UTRN: variants seen among roughly 807,000 people sequenced by gnomAD.
UTRN encodes dystrophin-related protein 1.
UTRN carries 283 observed loss-of-function variants against 463.9 expected under a neutral mutation model. That is an observed-to-expected ratio of 0.61 (90% CI 0.55 to 0.67). The LOEUF (loss-of-function observed/expected upper bound fraction) is 0.67. UTRN is among the 30% of genes least tolerant of loss of function. The pLI is 0.00. For synonymous variants in UTRN, 1,442 were observed against 1,431.5 expected, an observed-to-expected ratio of 1.01 and a Z score of -0.17; for missense variants, 3,922 against 4,084.3, an observed-to-expected ratio of 0.96 and a Z score of 1.08.
chr6:144,347,100 C>T (rs1777651712), intron 2 of UTRN, among the ~76,000 whole-genome samples: 2 of 152,204 alleles, frequency 1.3e-5, no homozygotes, highest in African/African-American at 4.8e-5. Flanking sequence ...ATTGCCACTG[C>T]TCAGGAAACC....
At chr6:144,639,997 C>A (rs1370845301) in intron 51 of UTRN, among the ~76,000 whole-genome samples, 1 of 151,752 alleles carries the variant, frequency 6.6e-6, no homozygotes, top group Non-Finnish European at 1.5e-5. Flanking sequence ...ATGATGCAGA[C>A]AACATTAAGA....
At chr6:144,669,495 G>C (rs1477324812) in intron 51 of UTRN, among the ~76,000 whole-genome samples, 2 of 152,178 alleles carry the variant, frequency 1.3e-5, no homozygotes, top group Middle Eastern at 3.4e-3. Context: ...TATTATGATA[G>C]CTTCCACTCT....
At chr6:144,635,483 CA>C (rs1471335108) in intron 51 of UTRN, among the ~76,000 whole-genome samples, 1 of 139,808 alleles carries the variant, frequency 7.2e-6, no homozygotes, top group Non-Finnish European at 1.5e-5. Flanking sequence ...ATAGACTTCT[CA>C]GTATTACTTA....
intron 58 of UTRN, among the ~76,000 whole-genome samples, chr6:144,762,775 G>A (rs1792853164): frequency 6.6e-6 from 1 of 152,148 alleles, no homozygotes; most frequent in Admixed American, 6.5e-5. Flanking sequence ...CGAGTAAGAT[G>A]GCCAACAAAG....
chr6:144,729,048 G>T (rs1274994080), intron 53 of UTRN, among the ~76,000 whole-genome samples: 1 of 152,088 alleles, frequency 6.6e-6, no homozygotes, highest in Admixed American at 6.5e-5. Context: ...GGTTTCTAGA[G>T]TAGTACTTGA....
At chr6:144,776,573 C>T (rs1775345685) in intron 60 of UTRN, among the ~76,000 whole-genome samples, 1 of 152,146 alleles carries the variant, frequency 6.6e-6, no homozygotes, top group South Asian at 2.1e-4. Flanking sequence ...GGACCCAATG[C>T]CCTGCTTACA....
intron 2 of UTRN, among the ~76,000 whole-genome samples, chr6:144,324,340 C>T (rs1775846368): frequency 6.6e-6 from 1 of 151,980 alleles, no homozygotes; most frequent in Non-Finnish European, 1.5e-5. Flanking sequence ...ATTGATTTAC[C>T]AAGTCTAAAG....
chr6:144,788,628 G>C (rs368521398), intron 61 of UTRN, among the ~76,000 whole-genome samples: 113 of 149,604 alleles, frequency 7.6e-4, no homozygotes, highest in African/African-American at 2.6e-3. Context: ...GCAATGGCAC[G>C]ATCTCGGCTC....
intron 3 of UTRN, among the ~76,000 whole-genome samples, chr6:144,403,511 A>G (rs1783108671): frequency 6.6e-6 from 1 of 152,190 alleles, no homozygotes; most frequent in Non-Finnish European, 1.5e-5. Flanking sequence ...CTCTTGGTTA[A>G]GAGGATGATG....
chr6:144,493,525 C>T lies in UTRN; in HGVS notation c.4593+69C>T. On this transcript the variant is annotated intron_variant, in intron 33 of 74. Coordinates refer to ENST00000367545, the MANE Select transcript of UTRN (RefSeq NM_007124.3). ...TCTCTCTCTCAATCTCTCTCTCTCTCTCGTTCTCTCTCATGTATTTTTAAA... is the reference window on the plus strand; with the variant it reads ...TCTCTCTCTCAATCTCTCTCTCTCTTTCGTTCTCTCTCATGTATTTTTAAA... 2.0e-6 allele frequency: 3 copies of T among 1,479,678 alleles called. No individual in the cohort carries two copies. In the East Asian group the frequency reaches 7.0e-5, roughly 35 times the overall value. 91.7% of individuals were successfully genotyped at this position (1,479,678 alleles called of 1,614,324 possible).
Position 144,694,905 on chromosome 6 carries a change from A to G in UTRN, c.7653-5182A>G, listed in dbSNP as rs367627760. Among the ~76,000 whole-genome samples, 26 of 149,696 alleles carry G rather than the reference A, an allele frequency of 1.7e-4. No individual in the cohort carries two copies. The East Asian group carries it at 2.5e-3, about 15-fold the overall frequency. Reference sequence around the variant, plus strand: ...CTCAGTCTCCTACAGTTCTGCTCTGATATCACCATGCCTATTTTAAAAGAT... The same window carrying G: ...CTCAGTCTCCTACAGTTCTGCTCTGGTATCACCATGCCTATTTTAAAAGAT... On this transcript the variant is annotated intron_variant, in intron 52 of 74. Transcript: ENST00000367545.
At chr6:144,642,471 T>G (rs1777870755) in intron 51 of UTRN, among the ~76,000 whole-genome samples, 1 of 152,212 alleles carries the variant, frequency 6.6e-6, no homozygotes, top group Admixed American at 6.5e-5. Context: ...TGAGAAGTTT[T>G]GTGCTTGCCT....
intron 51 of UTRN, among the ~76,000 whole-genome samples, chr6:144,614,651 G>A (rs1399621619): frequency 6.6e-6 from 1 of 152,136 alleles, no homozygotes; most frequent in Non-Finnish European, 1.5e-5. Context: ...CCTTTGGCCT[G>A]TGGTGCTTCC....
intron 41 of UTRN, among the ~76,000 whole-genome samples, chr6:144,524,823 G>T (rs1237929743): frequency 6.6e-6 from 1 of 152,038 alleles, no homozygotes; most frequent in Non-Finnish European, 1.5e-5. Flanking sequence ...GTTGGCTATG[G>T]GCTAAAAGTC....
chr6:144,711,410 C>G (rs900413488), intron 53 of UTRN, among the ~76,000 whole-genome samples: 1 of 151,906 alleles, frequency 6.6e-6, no homozygotes, highest in African/African-American at 2.4e-5. Context: ...TGACTTCAAT[C>G]GAATTTTTAG....
At chr6:144,846,563 A>G (rs909823657) in intron 73 of UTRN, among the ~76,000 whole-genome samples, 1 of 152,220 alleles carries the variant, frequency 6.6e-6, no homozygotes, top group Admixed American at 6.5e-5. Context: ...GCTTTAGTGT[A>G]TGCACTAAAT....
intron 58 of UTRN, among the ~76,000 whole-genome samples, chr6:144,769,922 C>T (rs1283079321): frequency 6.6e-6 from 1 of 152,180 alleles, no homozygotes; most frequent in Non-Finnish European, 1.5e-5. Context: ...TTTTGAGACT[C>T]TGCATTTCTG....
At chr6:144,691,366 C>G (rs1783394708) in intron 52 of UTRN, among the ~76,000 whole-genome samples, 2 of 152,370 alleles carry the variant, frequency 1.3e-5, no homozygotes, top group Non-Finnish European at 2.9e-5. Context: ...ATCCACCCTC[C>G]TCGGCCTTCC....
intron 2 of UTRN, among the ~76,000 whole-genome samples, chr6:144,384,482 C>G (rs1449640595): frequency 2.0e-5 from 3 of 152,156 alleles, no homozygotes; most frequent in African/African-American, 4.8e-5. Context: ...CTGCCTCCCC[C>G]ACTGCCCCGC....
Sources: allele counts gnomAD v4.1 joint callset (sites outside exome capture counted in the v4.1 genomes callset), GRCh38; gene constraint gnomAD v4.1.1; transcripts MANE v1.5; gene names NCBI Gene and HGNC (gene_info 2026-07-23, HGNC 2026-07-21).